The following ZNF280A variants were observed in gnomAD, a reference collection of about 807,000 sequenced individuals.
ZNF280A encodes zinc finger protein 280A, also known as suppressor of hairy wing homolog 1.
In ZNF280A, 26 loss-of-function variants were observed where a neutral mutation model predicts 35.9. The observed-to-expected ratio is 0.72, with a 90% CI of 0.53 to 1.01. The LOEUF (loss-of-function observed/expected upper bound fraction) is 1.01. ZNF280A is among the 50% of genes least tolerant of loss of function. The probability of loss-of-function intolerance (pLI) is 0.00; values close to 1 mark genes in which losing one functional copy is unlikely to be tolerated. For missense variants in ZNF280A, 654 were observed against 652.0 expected, an observed-to-expected ratio of 1.00 and a Z score of -0.03; for synonymous variants, 231 against 232.9, an observed-to-expected ratio of 0.99 and a Z score of 0.07.
intron 1 of ZNF280A, among the ~76,000 whole-genome samples, chr22:22,516,358 G>A (rs953599522): frequency 6.6e-6 from 1 of 151,196 alleles, no homozygotes; most frequent in Non-Finnish European, 1.5e-5. Context: ...AGTAAACTCA[G>A]TTGCTCAGTC....
chr22:22,518,267 T>C (rs1230739842), intron 1 of ZNF280A, among the ~76,000 whole-genome samples: 1 of 151,884 alleles, frequency 6.6e-6, no homozygotes, highest in Non-Finnish European at 1.5e-5. Flanking sequence ...CTATTTCTTT[T>C]TGTAAGCTGA....
In ZNF280A at chr22:22,515,570, T is replaced by A; in HGVS notation, c.61A>T (p.Lys21Ter). Residue 21 changes from lysine (K) to a stop codon, truncating the protein, a stop_gained, in exon 2 of 2, where the codon AAA becomes TAA. Coordinates refer to ENST00000302097, the MANE Select transcript of ZNF280A (RefSeq NM_080740.5). LOFTEE classifies it high-confidence loss of function. Reference protein sequence around the residue: ...ESPKKNLRESKQREEDDEDPD... With the variant: ...ESPKKNLRES ...TCTTCATCATCCTCCTCCCTTTGTTTGGATTCTCTCAAATTCTTCTTTGGT... is the reference window on the plus strand; with the variant it reads ...TCTTCATCATCCTCCTCCCTTTGTTAGGATTCTCTCAAATTCTTCTTTGGT... 5.0e-6 allele frequency: 8 copies of A among 1,610,552 alleles called. No individual in the cohort carries two copies. The highest frequency in any genetic ancestry group is 6.8e-6 in the Non-Finnish European group (8 of 1,179,172).
At chr22:22,516,227 T>C (rs2062067769) in intron 1 of ZNF280A, among the ~76,000 whole-genome samples, 1 of 151,612 alleles carries the variant, frequency 6.6e-6, no homozygotes, top group South Asian at 2.1e-4. Context: ...GCTATGTTCA[T>C]GCCACTGCAC....
chr22:22,514,479 C>T lies in ZNF280A; in HGVS notation c.1152G>A (p.Lys384=). 1 of 1,613,894 alleles carries T rather than the reference C, an allele frequency of 6.2e-7. No individual in the cohort carries two copies. The highest frequency in any genetic ancestry group is 2.2e-5 in the East Asian group (1 of 44,780). Residue 384 remains lysine (K), a synonymous_variant, in exon 2 of 2, where the codon AAG becomes AAA. Coordinates refer to ENST00000302097, the MANE Select transcript of ZNF280A (RefSeq NM_080740.5). ...GCATTTCGCCAGGCTTATGATGGTC[C>T]TTCATGTGTTGTAAGAGGACCTGAT... is the stretch of plus-strand genomic sequence containing the variant. ...ETDQVLLQHM[K]DHHKPGEMPY...
chr22:22,518,735 C>T (rs900782910), intron 1 of ZNF280A, among the ~76,000 whole-genome samples: 4 of 143,008 alleles, frequency 2.8e-5, no homozygotes, highest in Admixed American at 7.1e-5. Context: ...TTGCAGTGAG[C>T]GAAGATCGCA....
chr22:22,518,115 C>T (rs1252116433), intron 1 of ZNF280A, among the ~76,000 whole-genome samples: 4 of 151,660 alleles, frequency 2.6e-5, no homozygotes, highest in Non-Finnish European at 5.9e-5. Flanking sequence ...TTAGTAGAGA[C>T]GGGGTTTCAC....
At chr22:22,518,566 T>C (rs1293760054) in intron 1 of ZNF280A, among the ~76,000 whole-genome samples, 3 of 151,456 alleles carry the variant, frequency 2.0e-5, no homozygotes, top group Admixed American at 2.0e-4. Context: ...GGTGGGCAGA[T>C]CACTTGAGCT....
chr22:22,519,007 C>A (rs2062108585), intron 1 of ZNF280A, among the ~76,000 whole-genome samples: 2 of 151,816 alleles, frequency 1.3e-5, no homozygotes, highest in African/African-American at 4.8e-5. Context: ...ATGCTTGAAA[C>A]TGCAGATGGA....
chr22:22,516,926 CA>C (rs2062078613), intron 1 of ZNF280A, among the ~76,000 whole-genome samples: 1 of 151,932 alleles, frequency 6.6e-6, no homozygotes, highest in African/African-American at 2.4e-5. Flanking sequence ...TCAAAAATCA[CA>C]ACCTCCTTAA....
rs1452292594 is a variant in ZNF280A at position 22,515,388 on chromosome 22, T to C, written c.243A>G (p.Gln81=). The change falls in exon 2 of 2, where the codon CAA becomes CAG. Residue 81 remains glutamine (Q), a synonymous_variant. Transcript: ENST00000302097. ...NSRRKKGHFR[Q]YPAHVSQPAN... The stretch of plus-strand genomic sequence containing the variant: ...CAGGCTGCGACACGTGAGCAGGATA[T>C]TGACGGAAGTGGCCTTTCTTTCTTC... 1.2e-6 allele frequency: 2 copies of C among 1,613,752 alleles called. No individual in the cohort carries two copies. Among genetic ancestry groups the C allele is most frequent in the Non-Finnish European group, 1.7e-6 (2 of 1,179,970 alleles).
intron 1 of ZNF280A, among the ~76,000 whole-genome samples, chr22:22,519,226 G>A (rs569562846): frequency 1.3e-5 from 2 of 151,930 alleles, no homozygotes; most frequent in African/African-American, 4.8e-5. Flanking sequence ...CTGAGGTCAG[G>A]AGTTTGAGAC....
chr22:22,514,451 A>T lies in ZNF280A; in HGVS notation c.1180T>A (p.Tyr394Asn), dbSNP rs752459538. The change falls in exon 2 of 2, where the codon TAT becomes AAT. Residue 394 changes from tyrosine to asparagine, a missense_variant. By Grantham distance (143) the Tyr-to-Asn change is moderately radical. Transcript: ENST00000302097. ...KDHHKPGEMPYVCQVCHYRSS... is the reference protein window; with the variant it reads ...KDHHKPGEMPNVCQVCHYRSS... ...CTGTAATGGCAAACCTGGCACACAT[A>T]AGGCATTTCGCCAGGCTTATGATGG... The T allele has an allele frequency of 3.1e-6, 5 of 1,613,934 alleles. No individual in the cohort carries two copies. Among genetic ancestry groups the T allele is most frequent in the South Asian group, 2.2e-5 (2 of 91,066 alleles).
chr22:22,518,171 C>T (rs1426176369), intron 1 of ZNF280A, among the ~76,000 whole-genome samples: 2 of 151,676 alleles, frequency 1.3e-5, no homozygotes, highest in South Asian at 2.1e-4. Context: ...GTGATCCGCC[C>T]GCCTCGGCCT....
rs1057126094 is a variant in ZNF280A at position 22,515,125 on chromosome 22, G to A, written c.506C>T (p.Ser169Phe). ...NESSPDSKRL[S>F]TSDINSRDSK... ...ATCTCTGCTGTTTATATCTGAAGTG[G>A]AAAGTCGCTTTGAATCAGGAGAACT... Residue 169 changes from serine to phenylalanine, a missense_variant, in exon 2 of 2, where the codon TCC becomes TTC. Coordinates refer to ENST00000302097, the MANE Select transcript of ZNF280A (RefSeq NM_080740.5). The A allele has an allele frequency of 6.2e-7, 1 of 1,613,874 alleles. No homozygotes were observed.
intron 1 of ZNF280A, among the ~76,000 whole-genome samples, chr22:22,518,948 G>A (rs2062107949): frequency 6.6e-6 from 1 of 151,794 alleles, no homozygotes; most frequent in Non-Finnish European, 1.5e-5. Flanking sequence ...GTTGAGTACA[G>A]TAGTACCCCC....
At position 22,515,118 on chromosome 22, in the gene ZNF280A, T is replaced by C. The variant is rs927757606; in HGVS notation, c.513A>G (p.Ser171=). The C allele has an allele frequency of 1.2e-6, 2 of 1,613,814 alleles. No individual in the cohort carries two copies. Among genetic ancestry groups the C allele is most frequent in the African/African-American group, 2.7e-5 (2 of 74,878 alleles). Reference sequence around the variant, plus strand: ...TTTTGGAATCTCTGCTGTTTATATCTGAAGTGGAAAGTCGCTTTGAATCAG... The same window carrying C: ...TTTTGGAATCTCTGCTGTTTATATCCGAAGTGGAAAGTCGCTTTGAATCAG... ...SSPDSKRLST[S]DINSRDSKRV... Residue 171 remains serine (S), a synonymous_variant, in exon 2 of 2, where the codon TCA becomes TCG. Transcript: ENST00000302097.
chr22:22,516,296 A>AACACACAC lies in ZNF280A; in HGVS notation c.-71-596_-71-595insGTGTGTGT, dbSNP rs1555948002. 8.3e-3 allele frequency among the ~76,000 whole-genome samples: 1,244 copies of AACACACAC among 149,322 alleles called. 26 individuals are homozygous for AACACACAC. Among genetic ancestry groups the AACACACAC allele is most frequent in the African/African-American group, 0.025 (1,021 of 40,236 alleles). Reference sequence around the variant, plus strand: ...ACAAACACACACACACACAAATCACAGCACACACACACACACACACCCTTT... The same window carrying AACACACAC: ...ACAAACACACACACACACAAATCACAACACACACGCACACACACACACACACACCCTTT... On this transcript the variant is annotated intron_variant, in intron 1 of 1. Transcript: ENST00000302097.
In ZNF280A at chr22:22,515,375, C is replaced by G. The variant is rs770309041; in HGVS notation, c.256G>C (p.Val86Leu). 1.2e-6 allele frequency: 2 copies of G among 1,613,860 alleles called. No individual in the cohort carries two copies. Among genetic ancestry groups the G allele is most frequent in the Non-Finnish European group, 1.7e-6 (2 of 1,179,962 alleles). ...GTCACATGATTTGCAGGCTGCGACA[C>G]GTGAGCAGGATATTGACGGAAGTGG... ...KGHFRQYPAH[V>L]SQPANHVTSM... The change falls in exon 2 of 2, where the codon GTG becomes CTG. Residue 86 changes from valine (V) to leucine (L), a missense_variant. Coordinates refer to ENST00000302097, the MANE Select transcript of ZNF280A (RefSeq NM_080740.5).
At chr22:22,516,917 C>A (rs1337048989) in intron 1 of ZNF280A, among the ~76,000 whole-genome samples, 2 of 151,918 alleles carry the variant, frequency 1.3e-5, no homozygotes, top group Non-Finnish European at 2.9e-5. Flanking sequence ...ACCACAATAT[C>A]AAAAATCACA....
Sources: allele counts gnomAD v4.1 joint callset (sites outside exome capture counted in the v4.1 genomes callset), GRCh38; gene constraint gnomAD v4.1.1; transcripts MANE v1.5; gene names NCBI Gene and HGNC (gene_info 2026-07-23, HGNC 2026-07-21).